FAAH2: variants seen among roughly 807,000 people sequenced by gnomAD.
The protein encoded by FAAH2 is fatty acid amide hydrolase 2.
Under a neutral mutation model 36.9 loss-of-function variants are expected in FAAH2, and 60 were observed. That is an observed-to-expected ratio of 1.63 (90% CI 1.32 to 2.02). The LOEUF is 2.02. Among genes scored for constraint, FAAH2 ranks in the 30% most tolerant of loss-of-function variants. The probability of loss-of-function intolerance (pLI) is 0.00; values close to 1 mark genes in which losing one functional copy is unlikely to be tolerated. For synonymous variants in FAAH2, 214 were observed against 143.8 expected, an observed-to-expected ratio of 1.49 and a Z score of -3.49; for missense variants, 689 against 397.5, an observed-to-expected ratio of 1.73 and a Z score of -6.23.
Position 57,347,706 on chromosome X carries a change from C to A in FAAH2, c.742+6316C>A, listed in dbSNP as rs1473011548. Among the ~76,000 whole-genome samples the A allele has an allele frequency of 3.0e-5, 3 of 98,974 alleles. No homozygotes were observed. In the Admixed American group the frequency reaches 3.5e-4, roughly 12 times the overall value. The allele number at this position is 98,974 out of a possible 115,157, so 85.9% of individuals were successfully genotyped here. On this transcript the variant is annotated intron_variant, in intron 5 of 10. Transcript: ENST00000374900. ...TTTCTCCTCTGAGGGGGCTGGTGTT[C>A]CCTTAACTGTGTTGAAAGCTGATTA...
chrX:57,421,210 C>T (rs1488294097), intron 7 of FAAH2, among the ~76,000 whole-genome samples: 1 of 111,840 alleles, frequency 8.9e-6, no homozygotes, highest in Non-Finnish European at 1.9e-5. Flanking sequence ...CTTTGGGAGG[C>T]CAAGGCAGGC....
rs1202372958 is a variant in FAAH2 at position 57,379,031 on chromosome X, T to A, written c.878+245T>A. On this transcript the variant is annotated intron_variant, in intron 6 of 10. Transcript: ENST00000374900. ...TTATTTTTGGGAAGGAAACAGTGAA[T>A]CTTTTTGTTTTTCATTTGTGAATTT... Among the ~76,000 whole-genome samples the A allele has an allele frequency of 2.7e-5, 3 of 111,697 alleles. No homozygotes were observed. In the Admixed American group the frequency reaches 2.9e-4, roughly 11 times the overall value.
At chrX:57,137,215 G>A in the FAAH2 span, 8 of 758,553 alleles carry the variant, frequency 1.1e-5, no homozygotes, top group Non-Finnish European at 1.2e-5. Context: ...CCTGCCTGGC[G>A]TCCACCGCCG....
intron 7 of FAAH2, among the ~76,000 whole-genome samples, chrX:57,420,284 G>A (rs1007345517): frequency 2.2e-4 from 24 of 111,401 alleles, no homozygotes; most frequent in Non-Finnish European, 3.6e-4. Flanking sequence ...GATGGGGATG[G>A]CATCGAATCT....
chrX:57,201,150 C>T, the FAAH2 span, among the ~76,000 whole-genome samples: 16 of 109,070 alleles, frequency 1.5e-4, no homozygotes, highest in Admixed American at 9.8e-4. Flanking sequence ...GGGCTGGGCA[C>T]GGTGGCTCAT....
intron 10 of FAAH2, among the ~76,000 whole-genome samples, chrX:57,482,917 C>T: frequency 9.1e-6 from 1 of 109,543 alleles, no homozygotes; most frequent in Admixed American, 9.8e-5. Context: ...GTGCTTTGAT[C>T]CTTTTCTCTA....
intron 2 of FAAH2, among the ~76,000 whole-genome samples, chrX:57,293,333 T>G (rs2052040541): frequency 8.9e-6 from 1 of 112,260 alleles, no homozygotes; most frequent in Non-Finnish European, 1.9e-5. Flanking sequence ...ATAAATAAAA[T>G]GAAAACTAGC....
At chrX:57,408,122 G>T (rs892305572) in intron 7 of FAAH2, among the ~76,000 whole-genome samples, 3 of 110,892 alleles carry the variant, frequency 2.7e-5, no homozygotes, top group Non-Finnish European at 5.7e-5. Context: ...TTTTGATAAA[G>T]ATTGCTTAGG....
intron 2 of FAAH2, among the ~76,000 whole-genome samples, chrX:57,292,986 G>A (rs1003272973): frequency 1.8e-5 from 2 of 111,417 alleles, no homozygotes; most frequent in African/African-American, 6.5e-5. Context: ...TTTTATATAG[G>A]TATCATATAC....
At chrX:57,266,861 G>A in the FAAH2 span, among the ~76,000 whole-genome samples, 1 of 112,358 alleles carries the variant, frequency 8.9e-6, no homozygotes, top group South Asian at 3.7e-4. Context: ...CGTGGAGCAG[G>A]GCCAGAGATG....
chrX:57,396,914 T>C (rs936370025), intron 7 of FAAH2, among the ~76,000 whole-genome samples: 2 of 112,011 alleles, frequency 1.8e-5, no homozygotes, highest in Admixed American at 9.5e-5. Flanking sequence ...GTGATCTGTC[T>C]AGTATTGTCA....
chrX:57,488,760 T>A lies in FAAH2; in HGVS notation c.1427T>A (p.Val476Asp). Residue 476 changes from valine to aspartate, a missense_variant, in exon 11 of 11, where the codon GTC becomes GAC. Transcript: ENST00000374900. ...TTATTTTGTTTGTTTTCTTCAGGTG[T>A]CTTCAGTGCCCTGGGTTTGCCTGTG... ...TRPFNFAYTG[V>D]FSALGLPVTQ... The A allele has an allele frequency of 8.3e-7, 1 of 1,209,463 alleles. No individual in the cohort carries two copies. Among genetic ancestry groups the A allele is most frequent in the Non-Finnish European group, 1.1e-6 (1 of 894,732 alleles).
intron 10 of FAAH2, among the ~76,000 whole-genome samples, chrX:57,475,680 T>C: frequency 8.9e-6 from 1 of 112,150 alleles, no homozygotes; most frequent in East Asian, 2.8e-4. Flanking sequence ...AAATGGGCTC[T>C]TTTCTGGTTC....
the FAAH2 span, among the ~76,000 whole-genome samples, chrX:57,156,730 C>T: frequency 1.2e-4 from 13 of 111,882 alleles, no homozygotes; most frequent in African/African-American, 4.2e-4. Flanking sequence ...TGTTACCTCT[C>T]TTTCTGCTAA....
chrX:57,156,652 C>T, the FAAH2 span, among the ~76,000 whole-genome samples: 1 of 112,266 alleles, frequency 8.9e-6, no homozygotes, highest in African/African-American at 3.2e-5. Context: ...CTCCTAGATA[C>T]ACAGCCTTTG....
At chrX:57,440,195 A>T (rs1048174965) in intron 8 of FAAH2, among the ~76,000 whole-genome samples, 7 of 111,532 alleles carry the variant, frequency 6.3e-5, no homozygotes, top group African/African-American at 2.3e-4. Context: ...CTTGGGCAGT[A>T]TGACCATTTT....
At chrX:57,267,140 G>C in the FAAH2 span, among the ~76,000 whole-genome samples, 1 of 112,591 alleles carries the variant, frequency 8.9e-6, no homozygotes, top group African/African-American at 3.2e-5. Context: ...CTACAGGTGT[G>C]CACCAGCCTG....
chrX:57,425,000 A>T (rs1281688201), intron 7 of FAAH2, among the ~76,000 whole-genome samples: 1 of 109,557 alleles, frequency 9.1e-6, no homozygotes, highest in East Asian at 2.9e-4. Flanking sequence ...TCAATTAAGG[A>T]TATAAGTGAG....
intron 5 of FAAH2, among the ~76,000 whole-genome samples, chrX:57,356,408 T>G (rs1360955313): frequency 9.0e-6 from 1 of 111,466 alleles, no homozygotes; most frequent in Non-Finnish European, 1.9e-5. Context: ...TGTGAAGTTT[T>G]AAATTACTGA....
Sources: gnomAD v4.1 joint callset for allele counts (sites outside exome capture counted in the v4.1 genomes callset) on GRCh38, gnomAD v4.1.1 for gene constraint, MANE v1.5 for transcripts, NCBI Gene and HGNC (gene_info 2026-07-23, HGNC 2026-07-21) for gene names.